The following ZNF239 variants were observed in gnomAD, a reference collection of about 807,000 sequenced individuals.
ZNF239 encodes the protein zinc finger protein (C2H2) homologous to mouse MOK-2.
Under a neutral mutation model 27.5 loss-of-function variants are expected in ZNF239, and 16 were observed. The observed-to-expected ratio is 0.58, with a 90% CI of 0.39 to 0.88. The LOEUF is 0.88. Ranked by LOEUF, ZNF239 falls within the 40% of genes least tolerant of loss-of-function variation. ZNF239 has a pLI of 0.00. For synonymous variants in ZNF239, 199 were observed against 192.6 expected (o/e 1.03, Z -0.27); for missense variants, 527 against 551.9 (o/e 0.95, Z 0.45).
At chr10:43,570,628 A>C in intron 2 of ZNF239, 1 of 984,394 alleles carries the variant, frequency 1.0e-6, no homozygotes, top group Non-Finnish European at 1.2e-6. Context: ...TACCTCAACA[A>C]TATTCAAACC....
At chr10:43,559,173 G>A (rs1294779787) in intron 3 of ZNF239, among the ~76,000 whole-genome samples, 2 of 152,194 alleles carry the variant, frequency 1.3e-5, no homozygotes, top group African/African-American at 2.4e-5. Flanking sequence ...AGAGGACAGA[G>A]CAAAGGGCTT....
In ZNF239 at chr10:43,573,687, CAG is replaced by C. The variant is rs1482543901; in HGVS notation, c.-256-12_-256-11del. 3 of 984,684 alleles carry C rather than the reference CAG, an allele frequency of 3.0e-6. No individual in the cohort carries two copies. The highest frequency in any genetic ancestry group is 3.5e-5 in the African/African-American group (2 of 57,200). 61.0% of individuals were successfully genotyped at this position (984,684 alleles called of 1,614,324 possible). ...CAGAGGGGATGGATTCCTGGAAAGG[CAG>C]AGTTAGGGAAAGAGAAAAAGCCATG... On this transcript the variant is annotated splice_polypyrimidine_tract_variant and intron_variant, in intron 1 of 3. Transcript: ENST00000374446.
Position 43,556,986 on chromosome 10 carries a change from T to A in ZNF239, c.1094A>T (p.His365Leu). The change falls in exon 4 of 4, where the codon CAC becomes CTC. Residue 365 changes from histidine (H) to leucine (L), a missense_variant. His to Leu is a moderately conservative substitution (Grantham distance 99). Coordinates refer to ENST00000374446, the MANE Select transcript of ZNF239 (RefSeq NM_001099282.2). ...CTTCTCTCCTGTGTGGATGCACCGG[T>A]GAATGTGAAGGTTCGAGCTCTGACT... Reference protein sequence around the residue: ...GFSQSSNLHIHRCIHTGEKPY... With the variant: ...GFSQSSNLHILRCIHTGEKPY... The A allele has an allele frequency of 6.2e-7, 1 of 1,614,060 alleles. No homozygotes were observed. Among genetic ancestry groups the A allele is most frequent in the Non-Finnish European group, 8.5e-7 (1 of 1,179,998 alleles).
chr10:43,564,236 T>A, intron 3 of ZNF239: 1 of 965,052 alleles, frequency 1.0e-6, no homozygotes, highest in Non-Finnish European at 1.2e-6. Flanking sequence ...TTCCATCACG[T>A]CTTTGTTCTC....
intron 3 of ZNF239, among the ~76,000 whole-genome samples, chr10:43,567,361 G>A (rs970098466): frequency 6.6e-6 from 1 of 151,936 alleles, no homozygotes; most frequent in African/African-American, 2.4e-5. Context: ...GGGAAATGTG[G>A]GGAAAGGCAG....
intron 2 of ZNF239, among the ~76,000 whole-genome samples, chr10:43,569,077 C>T (rs1313481868): frequency 6.6e-6 from 1 of 152,208 alleles, no homozygotes; most frequent in African/African-American, 2.4e-5. Flanking sequence ...CCATCAGCAT[C>T]TGCTCTTCCC....
chr10:43,562,944 G>C (rs1431771702), intron 3 of ZNF239, among the ~76,000 whole-genome samples: 2 of 152,194 alleles, frequency 1.3e-5, no homozygotes, highest in Admixed American at 1.3e-4. Flanking sequence ...ATATGAAAAT[G>C]AATGGGGGAG....
Position 43,556,530 on chromosome 10 carries a change from T to C in ZNF239, c.*173A>G, listed in dbSNP as rs1477827527. On this transcript the variant is annotated 3_prime_UTR_variant, in exon 4 of 4. Coordinates refer to ENST00000374446, the MANE Select transcript of ZNF239 (RefSeq NM_001099282.2). ...AGAACAATCCATTCATTGTACAGCA[T>C]AACAAAGTGCTTGATACTTAAATAT... is the stretch of plus-strand genomic sequence containing the variant. The C allele has an allele frequency of 1.5e-5, 12 of 814,322 alleles. No homozygotes were observed. The South Asian group carries it at 2.1e-4, about 14-fold the overall frequency. 50.4% of individuals were successfully genotyped at this position (814,322 alleles called of 1,614,324 possible).
rs144472611 is a variant in ZNF239, at chr10:43,568,079, A to G, written c.-215-58T>C. 39 of 985,804 alleles carry G rather than the reference A, an allele frequency of 4.0e-5. No homozygotes were observed. In the African/African-American group the frequency reaches 6.6e-4, roughly 17 times the overall value. The allele number at this position is 985,804 out of a possible 1,614,324, so 61.1% of individuals were successfully genotyped here. On this transcript the variant is annotated intron_variant, in intron 2 of 3. Transcript: ENST00000374446. ...CAACCATCTGCACAAATGCCCTGCA[A>G]GTGGGGTGAAGTCAGCAGCACTGGA...
At chr10:43,565,835 A>G (rs1191085521) in intron 3 of ZNF239, among the ~76,000 whole-genome samples, 3 of 150,128 alleles carry the variant, frequency 2.0e-5, no homozygotes, top group Admixed American at 2.0e-4. Flanking sequence ...AAAAAAAAAA[A>G]AAAAAAAAAA....
Position 43,556,649 on chromosome 10 carries a change from T to G in ZNF239, c.*54A>C. ...TATAAAGTAAGAGTGATACTAAATA[T>G]TTAACAGTTTTTACAGTATGAGCGC... is the stretch of plus-strand genomic sequence containing the variant. On this transcript the variant is annotated 3_prime_UTR_variant, in exon 4 of 4. Coordinates refer to ENST00000374446, the MANE Select transcript of ZNF239 (RefSeq NM_001099282.2). 2 of 1,554,244 alleles carry G rather than the reference T, an allele frequency of 1.3e-6. No individual in the cohort carries two copies. The highest frequency in any genetic ancestry group is 2.3e-5 in the East Asian group (1 of 44,320).
In ZNF239 at chr10:43,557,885, AG is replaced by A; in HGVS notation, c.194del (p.Pro65LeufsTer2). On this transcript the variant is annotated frameshift_variant, in exon 4 of 4. Coordinates refer to ENST00000374446, the MANE Select transcript of ZNF239 (RefSeq NM_001099282.2). LOFTEE classifies it low-confidence loss of function (END_TRUNC). ...TGTCTATTTGGCTTGAGACTTTCAA[AG>A]GCAAATATGTTTCACTTTCAATGTT... is the stretch of plus-strand genomic sequence containing the variant. ...FENIESETYLPLKVSSQIDTQ... is the reference protein window; with the variant it reads ...FENIESETYLXLKVSSQIDTQ... 1.2e-6 allele frequency: 2 copies of A among 1,614,224 alleles called. No homozygotes were observed. The highest frequency in any genetic ancestry group is 1.7e-6 in the Non-Finnish European group (2 of 1,180,038).
At chr10:43,560,052 C>T (rs1032817782) in intron 3 of ZNF239, among the ~76,000 whole-genome samples, 3 of 152,176 alleles carry the variant, frequency 2.0e-5, no homozygotes, top group African/African-American at 7.2e-5. Flanking sequence ...AAGACATTTC[C>T]TAATTCAACT....
At position 43,557,748 on chromosome 10, in the gene ZNF239, CT is replaced by C. The variant is rs1836894506; in HGVS notation, c.331del (p.Ser111ValfsTer22). ...STERKVIKGE[S>X]CSENLQVKLV... ...TTTAACTTGAAGGTTCTCTGAACAACTTTCCCCCTTTATCACTTTTCTCTCA... is the reference window on the plus strand; with the variant it reads ...TTTAACTTGAAGGTTCTCTGAACAACTTCCCCCTTTATCACTTTTCTCTCA... On this transcript the variant is annotated frameshift_variant, in exon 4 of 4. Transcript: ENST00000374446. LOFTEE classifies it high-confidence loss of function. The C allele has an allele frequency of 1.9e-6, 3 of 1,614,112 alleles. No homozygotes were observed. Among genetic ancestry groups the C allele is most frequent in the Non-Finnish European group, 2.5e-6 (3 of 1,180,044 alleles).
In ZNF239 at chr10:43,556,676, G is replaced by GT; in HGVS notation, c.*26dup. The GT allele has an allele frequency of 6.2e-7, 1 of 1,602,744 alleles. No individual in the cohort carries two copies. The highest frequency in any genetic ancestry group is 8.5e-7 in the Non-Finnish European group (1 of 1,173,862). ...TAACAGTTTTTACAGTATGAGCGCTGTGAAGACCTGAATGGGCTAATGTCA... is the reference window on the plus strand; with the variant it reads ...TAACAGTTTTTACAGTATGAGCGCTGTTGAAGACCTGAATGGGCTAATGTCA... On this transcript the variant is annotated 3_prime_UTR_variant, in exon 4 of 4. Coordinates refer to ENST00000374446, the MANE Select transcript of ZNF239 (RefSeq NM_001099282.2).
intron 3 of ZNF239, among the ~76,000 whole-genome samples, chr10:43,564,623 T>A (rs2132270708): frequency 6.6e-6 from 1 of 152,140 alleles, no homozygotes; most frequent in East Asian, 1.9e-4. Context: ...TCAACCTCTC[T>A]GGCTTAGGTG....
intron 2 of ZNF239, among the ~76,000 whole-genome samples, 191 bp downstream of exon 2, chr10:43,573,446 T>C (rs562124922): frequency 1.3e-5 from 2 of 152,324 alleles, no homozygotes; most frequent in South Asian, 4.1e-4. Context: ...GGAGGCAGGA[T>C]GGGCCAGTGA....
intron 2 of ZNF239, among the ~76,000 whole-genome samples, chr10:43,572,272 G>GA (rs1838081099): frequency 6.6e-6 from 1 of 152,178 alleles, no homozygotes; most frequent in African/African-American, 2.4e-5. Context: ...GCGAAGGAAG[G>GA]AAAATGTATT....
intron 3 of ZNF239, among the ~76,000 whole-genome samples, chr10:43,558,892 G>A (rs1462251783): frequency 6.6e-6 from 1 of 152,202 alleles, no homozygotes; most frequent in Non-Finnish European, 1.5e-5. Flanking sequence ...ATAATACTAA[G>A]TGAGTGGTGT....
Sources: allele counts gnomAD v4.1 joint callset (sites outside exome capture counted in the v4.1 genomes callset), GRCh38; gene constraint gnomAD v4.1.1; transcripts MANE v1.5; gene names NCBI Gene and HGNC (gene_info 2026-07-23, HGNC 2026-07-21).